ZNF540: variants seen among roughly 807,000 people sequenced by gnomAD.
The protein encoded by ZNF540 is zinc finger protein 540.
In ZNF540, 3 loss-of-function variants were observed where a neutral mutation model predicts 11.8. The observed-to-expected ratio is 0.25, with a 90% CI of 0.12 to 0.65. ZNF540 has a LOEUF of 0.65. ZNF540 is among the 30% of genes least tolerant of loss of function. The pLI, the probability that ZNF540 is intolerant of heterozygous loss-of-function variation, is 0.83. For synonymous variants in ZNF540, 247 were observed against 259.0 expected (o/e 0.95, Z 0.45); for missense variants, 709 against 793.1 (o/e 0.89, Z 1.27).
intron 1 of ZNF540, among the ~76,000 whole-genome samples, chr19:37,571,426 G>A (rs192205603): frequency 1.7e-3 from 252 of 151,816 alleles, no homozygotes; most frequent in African/African-American, 5.9e-3. Context: ...AACCCAGGAA[G>A]TGGAGGTTGC....
chr19:37,562,327 G>A (rs2042725886), intron 1 of ZNF540: 1 of 151,986 alleles, frequency 6.6e-6, no homozygotes, highest in Admixed American at 6.6e-5. Context: ...GTTGCAATGA[G>A]CCAAGATCAC....
chr19:37,589,912 A>C (rs1187062837), upstream of ZNF540, among the ~76,000 whole-genome samples: 1 of 149,558 alleles, frequency 6.7e-6, no homozygotes, highest in Non-Finnish European at 1.5e-5. Flanking sequence ...AATCATGAGG[A>C]AACATCAAAC....
chr19:37,578,507 T>C (rs565355923), intron 1 of ZNF540, among the ~76,000 whole-genome samples: 85 of 152,306 alleles, frequency 5.6e-4, no homozygotes, highest in African/African-American at 1.9e-3. Context: ...CTCAAGCCCA[T>C]GTGGAGCACC....
In ZNF540 at chr19:37,588,099, CAAAAAAAAAAA is replaced by C. The variant is rs58516591; in HGVS notation, c.-72-10258_-72-10248del. ...TGGGTGACAGAGCGAGACTCCATCTCAAAAAAAAAAAAAAAAAAAAAAAAAAAAATCCCATG... is the reference window on the plus strand; with the variant it reads ...TGGGTGACAGAGCGAGACTCCATCTCAAAAAAAAAAAAAAAAAATCCCATG... On this transcript the variant is annotated intron_variant, in intron 1 of 4. Transcript: ENST00000592533. 6.1e-3 allele frequency among the ~76,000 whole-genome samples: 279 copies of C among 45,756 alleles called. 1 individual carries two copies. Among genetic ancestry groups the C allele is most frequent in the Non-Finnish European group, 8.5e-3 (223 of 26,244 alleles). The allele number at this position is 45,756 out of a possible 152,430, so 30.0% of individuals were successfully genotyped here.
At chr19:37,578,119 T>C (rs1034199526) in intron 1 of ZNF540, among the ~76,000 whole-genome samples, 2 of 152,036 alleles carry the variant, frequency 1.3e-5, no homozygotes, top group African/African-American at 4.8e-5. Context: ...GGTGGAACAG[T>C]TTCATCCCCA....
intron 4 of ZNF540, among the ~76,000 whole-genome samples, chr19:37,604,707 A>G (rs2044069898): frequency 6.6e-6 from 1 of 152,150 alleles, no homozygotes; most frequent in African/African-American, 2.4e-5. Context: ...CAAACACGTG[A>G]GTCTTGTAAT....
intron 1 of ZNF540, among the ~76,000 whole-genome samples, chr19:37,561,540 A>C (rs559184434): frequency 1.3e-5 from 2 of 152,242 alleles, no homozygotes; most frequent in African/African-American, 4.8e-5. Context: ...AAAAGATAGT[A>C]TTTTCTTTAC....
intron 1 of ZNF540, chr19:37,560,928 G>A (rs1474900580): frequency 6.6e-6 from 1 of 151,452 alleles, no homozygotes; most frequent in African/African-American, 2.4e-5. Flanking sequence ...AACAGAAAAA[G>A]CCTTGGTCAG....
chr19:37,567,452 A>AT (rs1437003845), intron 1 of ZNF540, among the ~76,000 whole-genome samples: 2 of 152,218 alleles, frequency 1.3e-5, no homozygotes, highest in African/African-American at 4.8e-5. Context: ...ACTCCTATTC[A>AT]TGGCCTACAA....
At chr19:37,607,723 T>C (rs1034142355) in intron 4 of ZNF540, among the ~76,000 whole-genome samples, 1 of 152,200 alleles carries the variant, frequency 6.6e-6, no homozygotes, top group Non-Finnish European at 1.5e-5. Flanking sequence ...AAAGACATCT[T>C]GGTTTTTTTT....
upstream of ZNF540, among the ~76,000 whole-genome samples, chr19:37,593,010 A>T (rs2043910990): frequency 6.6e-6 from 1 of 152,182 alleles, no homozygotes; most frequent in South Asian, 2.1e-4. Flanking sequence ...TTGTAAAAAT[A>T]TGTCTTTGAA....
intron 4 of ZNF540, among the ~76,000 whole-genome samples, chr19:37,602,916 A>T (rs2044050928): frequency 6.6e-6 from 1 of 151,854 alleles, no homozygotes; most frequent in Non-Finnish European, 1.5e-5. Context: ...GATGACAGTG[A>T]GATAGAAAAC....
intron 2 of ZNF540, among the ~76,000 whole-genome samples, chr19:37,599,044 T>C (rs985128881): frequency 6.6e-6 from 1 of 152,210 alleles, no homozygotes; most frequent in Non-Finnish European, 1.5e-5. Flanking sequence ...ATCATCCAGA[T>C]ACATAAATAT....
At chr19:37,586,113 T>C (rs1475289954) in intron 1 of ZNF540, 1 of 152,644 alleles carries the variant, frequency 6.6e-6, no homozygotes, top group African/African-American at 2.4e-5. Context: ...ATTATATTGA[T>C]TTAAGCCACT....
In ZNF540 at chr19:37,565,460, G is replaced by T. The variant is rs377173021; in HGVS notation, c.-73+13795G>T. The T allele has an allele frequency of 4.9e-5, 79 of 1,612,298 alleles. No homozygotes were observed. Among genetic ancestry groups the T allele is most frequent in the Non-Finnish European group, 6.5e-5 (77 of 1,179,492 alleles). On this transcript the variant is annotated intron_variant, in intron 1 of 4. Transcript: ENST00000592533. ...ACCAGTATGAACTCTCTGATGGTAT[G>T]TAAGGTGTGAACCAAGAATAAAGGC...
At chr19:37,592,264 A>G (rs888329623), upstream of ZNF540, among the ~76,000 whole-genome samples, 1 of 152,142 alleles carries the variant, frequency 6.6e-6, no homozygotes, top group African/African-American at 2.4e-5. Flanking sequence ...AAAATAAAGA[A>G]TGGATCTTGG....
At chr19:37,574,290 C>A (rs2043170041) in intron 1 of ZNF540, among the ~76,000 whole-genome samples, 1 of 152,190 alleles carries the variant, frequency 6.6e-6, no homozygotes, top group Non-Finnish European at 1.5e-5. Context: ...TCCCTAAGAG[C>A]TGTCTATAGT....
rs1000878248 is a variant in ZNF540, at chr19:37,562,448, G to A, written c.-73+10783G>A. On this transcript the variant is annotated intron_variant, in intron 1 of 4. Coordinates refer to the ZNF540 transcript ENST00000592533. ...AGAGATAACACTGCATATAGAAAAG[G>A]TAAGTATTTCTTGGTAACATTTGTT... 4 of 152,142 alleles carry A rather than the reference G, an allele frequency of 2.6e-5. No homozygotes were observed. In the South Asian group the frequency reaches 8.3e-4, roughly 32 times the overall value. 9.4% of individuals were successfully genotyped at this position (152,142 alleles called of 1,614,324 possible).
rs1047934615 is a variant in ZNF540, at chr19:37,612,184, A to T, written c.904A>T (p.Lys302Ter). The T allele has an allele frequency of 1.2e-6, 2 of 1,611,886 alleles. No individual in the cohort carries two copies. Among genetic ancestry groups the T allele is most frequent in the Non-Finnish European group, 1.7e-6 (2 of 1,179,720 alleles). The change falls in exon 5 of 5, where the codon AAA (lysine) becomes TAA (stop). Residue 302 changes from lysine (K) to a stop codon, truncating the protein, a stop_gained. Coordinates refer to ENST00000316433, the MANE Select transcript of ZNF540 (RefSeq NM_001172225.3). LOFTEE classifies it low-confidence loss of function (END_TRUNC). ...TACTGGTAAGAAATCTTATGAATGTAAAGAATGTGGAAAAGTTTTTCAACT... is the reference window on the plus strand; with the variant it reads ...TACTGGTAAGAAATCTTATGAATGTTAAGAATGTGGAAAAGTTTTTCAACT... ...IHTGKKSYEC[K>*]ECGKVFQLIF...
Sources: allele counts gnomAD v4.1 joint callset (sites outside exome capture counted in the v4.1 genomes callset), GRCh38; gene constraint gnomAD v4.1.1; transcripts MANE v1.5; gene names NCBI Gene and HGNC (gene_info 2026-07-23, HGNC 2026-07-21).